FGD5: variants seen among roughly 807,000 people sequenced by gnomAD.
FGD5 encodes the protein FYVE, RhoGEF and PH domain containing 5.
FGD5 carries 28 observed loss-of-function variants against 133.4 expected under a neutral mutation model. The ratio of observed to expected loss-of-function variants is 0.21; its 90% CI spans 0.16 to 0.29. The LOEUF (loss-of-function observed/expected upper bound fraction) is 0.29, where lower values mean the gene tolerates loss of function less well. FGD5 is among the 10% of genes least tolerant of loss of function. FGD5 has a pLI of 1.00. For synonymous variants in FGD5, 810 were observed against 776.5 expected (o/e 1.04, Z -0.72); for missense variants, 1,858 against 1,895.2 (o/e 0.98, Z 0.36).
chr3:14,827,957 G>T (rs539622769), intron 1 of FGD5, among the ~76,000 whole-genome samples: 1 of 152,332 alleles, frequency 6.6e-6, no homozygotes, highest in African/African-American at 2.4e-5. Context: ...AGCTGCTTAT[G>T]GTTGAAATGC....
chr3:14,876,238 C>T (rs1263304041), intron 2 of FGD5, among the ~76,000 whole-genome samples: 1 of 152,184 alleles, frequency 6.6e-6, no homozygotes, highest in Non-Finnish European at 1.5e-5. Flanking sequence ...ATGCCTCACT[C>T]CCCTGTAGCT....
intron 2 of FGD5, among the ~76,000 whole-genome samples, chr3:14,876,556 G>C (rs911094284): frequency 3.0e-4 from 46 of 152,096 alleles, no homozygotes; most frequent in African/African-American, 1.1e-3. Flanking sequence ...AAACCACCCT[G>C]TTTTCTAAAA....
chr3:14,907,546 G>C, intron 9 of FGD5, 94 bp from the exon 10 acceptor site: 3 of 1,188,612 alleles, frequency 2.5e-6, no homozygotes, highest in Non-Finnish European at 3.6e-6. Context: ...CTTCATTTTT[G>C]TCTGAAACAG....
rs558493864 is a variant in FGD5 at position 14,876,880 on chromosome 3, C to G, written c.2659-3692C>G. Among the ~76,000 whole-genome samples the G allele has an allele frequency of 2.0e-5, 3 of 152,322 alleles. No homozygotes were observed. The South Asian group carries it at 6.2e-4, about 32-fold the overall frequency. ...CCCGGATTCTTGACTCTTTGTGTGA[C>G]CCGCTGTCTAACACTGAGGTTCCCT... On this transcript the variant is annotated intron_variant, in intron 2 of 19. Transcript: ENST00000285046.
intron 18 of FGD5, among the ~76,000 whole-genome samples, chr3:14,928,926 T>TAAA (rs2038859905): frequency 6.6e-6 from 1 of 152,196 alleles, no homozygotes; most frequent in Non-Finnish European, 1.5e-5. Context: ...ACCTTTTTTT[T>TAAA]GCCTTTTGAG....
At chr3:14,879,679 A>G (rs1331481885) in intron 2 of FGD5, among the ~76,000 whole-genome samples, 1 of 152,102 alleles carries the variant, frequency 6.6e-6, no homozygotes, top group East Asian at 1.9e-4. Context: ...TCCTGGAGAG[A>G]TGTAATTGTT....
At chr3:14,817,385 G>A (rs555634830), upstream of FGD5, among the ~76,000 whole-genome samples, 22 of 152,124 alleles carry the variant, frequency 1.4e-4, no homozygotes, top group East Asian at 3.7e-3. Context: ...TAGTAGAGAC[G>A]GGGTTTCACC....
intron 13 of FGD5, chr3:14,921,290 G>A (rs1559506778): frequency 6.5e-6 from 1 of 153,326 alleles, no homozygotes; most frequent in Non-Finnish European, 1.5e-5. Flanking sequence ...TTGCTTTCCG[G>A]GGCAGGCTGC....
intron 1 of FGD5, among the ~76,000 whole-genome samples, chr3:14,839,952 A>G (rs2125084346): frequency 6.6e-6 from 1 of 151,748 alleles, no homozygotes; most frequent in East Asian, 1.9e-4. Flanking sequence ...AAACAAACAA[A>G]CAAACAAACA....
At chr3:14,839,612 G>T (rs952393769) in intron 1 of FGD5, among the ~76,000 whole-genome samples, 1 of 152,172 alleles carries the variant, frequency 6.6e-6, no homozygotes, top group Admixed American at 6.5e-5. Flanking sequence ...GAGAAATTTG[G>T]CAGTCCATTT....
intron 1 of FGD5, among the ~76,000 whole-genome samples, chr3:14,823,788 G>C (rs1205163577): frequency 6.6e-6 from 1 of 152,192 alleles, no homozygotes; most frequent in African/African-American, 2.4e-5. Flanking sequence ...TGCCACCTGG[G>C]GTGTGCAGTG....
Position 14,922,162 on chromosome 3 carries a change from C to T in FGD5, c.3669+145C>T. 9.9e-7 allele frequency: 1 copy of T among 1,011,930 alleles called. No homozygotes were observed. The highest frequency in any genetic ancestry group is 1.5e-6 in the Non-Finnish European group (1 of 685,708). The allele number at this position is 1,011,930 out of a possible 1,614,324, so 62.7% of individuals were successfully genotyped here. A position where few individuals can be genotyped will look rare whatever the true frequency, so the allele number is the denominator to read the frequency against. On this transcript the variant is annotated intron_variant, in intron 14 of 19. Transcript: ENST00000285046. The surrounding 1 kb of genome is among the most constrained non-coding windows in gnomAD (Gnocchi z 4.1). ...CTCCCCCCACACCCCTGCCATGCTCCCACCCTAGTCAGGGGCGGCCTCCGT... is the reference window on the plus strand; with the variant it reads ...CTCCCCCCACACCCCTGCCATGCTCTCACCCTAGTCAGGGGCGGCCTCCGT...
Position 14,812,032 on chromosome 3 carries a change from A to ATG in FGD5, c.13+1169_13+1170dup, listed in dbSNP as rs1308177912. ...TGTGTGTGTGTGTGTGTGTGTGTGT[A>ATG]TGTATGTGTGTGTGTGTGTAGGATT... On this transcript the variant is annotated intron_variant, in intron 1 of 1. Transcript: ENST00000640506. Among the ~76,000 whole-genome samples, 458 of 93,674 alleles carry ATG rather than the reference A, an allele frequency of 4.9e-3. 5 individuals carry two copies. Among genetic ancestry groups the ATG allele is most frequent in the Middle Eastern group, 0.018 (3 of 168 alleles). 61.5% of individuals were successfully genotyped at this position (93,674 alleles called of 152,430 possible).
At chr3:14,886,633 CCT>C (rs1023151814) in intron 4 of FGD5, among the ~76,000 whole-genome samples, 31 of 152,326 alleles carry the variant, frequency 2.0e-4, no homozygotes, top group African/African-American at 7.0e-4. Context: ...CTCTGCACTC[CCT>C]CTCACACCTC....
chr3:14,880,418 G>A (rs981529708), intron 2 of FGD5, among the ~76,000 whole-genome samples, 154 bp from the exon 3 acceptor site: 1 of 152,190 alleles, frequency 6.6e-6, no homozygotes, highest in Non-Finnish European at 1.5e-5. Flanking sequence ...AAACTGAGGT[G>A]CAGAGAGGTT....
chr3:14,917,442 C>A lies in FGD5; in HGVS notation c.3489+110C>A. 1.0e-6 allele frequency: 1 copy of A among 990,144 alleles called. No homozygotes were observed. The highest frequency in any genetic ancestry group is 1.6e-5 in the African/African-American group (1 of 61,662). The allele number at this position is 990,144 out of a possible 1,614,324, so 61.3% of individuals were successfully genotyped here. A position where few individuals can be genotyped will look rare whatever the true frequency, so the allele number is the denominator to read the frequency against. ...ACCCAGACCAGCTGGAAGAGGGAGG[C>A]CCTGCGGAAACAGTGTTGGGCTACA... On this transcript the variant is annotated intron_variant, in intron 12 of 19. Transcript: ENST00000285046. This position sits in a 1 kb window ranked among gnomAD's most constrained non-coding sequence, Gnocchi z 4.1.
At chr3:14,831,206 G>A (rs2036700529) in intron 1 of FGD5, among the ~76,000 whole-genome samples, 1 of 152,200 alleles carries the variant, frequency 6.6e-6, no homozygotes, top group Admixed American at 6.5e-5. Flanking sequence ...TGCAGAAGGC[G>A]ATGGGAAGTC....
rs373654116 is a variant in FGD5, at chr3:14,839,398, A to AG, written c.2525+17807dup. 2.5e-3 allele frequency among the ~76,000 whole-genome samples: 383 copies of AG among 152,252 alleles called. 3 individuals are homozygous for AG. Among genetic ancestry groups the AG allele is most frequent in the African/African-American group, 8.5e-3 (354 of 41,556 alleles). On this transcript the variant is annotated intron_variant, in intron 1 of 19. Coordinates refer to ENST00000285046, the MANE Select transcript of FGD5 (RefSeq NM_152536.4). ...ACCTGCTATGCCAGCTGGTGAGGGT[A>AG]GGGGGTGTCCCAGAAGGTTTGACTG...
chr3:14,915,262 T>C (rs1006458372), intron 11 of FGD5, among the ~76,000 whole-genome samples: 2 of 152,226 alleles, frequency 1.3e-5, no homozygotes, highest in Admixed American at 6.5e-5. Context: ...GGCTGGAACC[T>C]TGGAGTCCTG....
Sources: allele counts gnomAD v4.1 joint callset (sites outside exome capture counted in the v4.1 genomes callset), GRCh38; gene constraint gnomAD v4.1.1; non-coding constraint Gnocchi (gnomAD v3.1); transcripts MANE v1.5; gene names NCBI Gene and HGNC (gene_info 2026-07-23, HGNC 2026-07-21).